The following STAC3 variants were observed in gnomAD, a reference collection of about 807,000 sequenced individuals.
STAC3 encodes the protein SH3 and cysteine-rich domain-containing protein 3.
In STAC3, 30 loss-of-function variants were observed where a neutral mutation model predicts 48.5. That is an observed-to-expected ratio of 0.62 (90% CI 0.46 to 0.84). The LOEUF (loss-of-function observed/expected upper bound fraction) is 0.84. STAC3 is among the 40% of genes least tolerant of loss of function. The pLI is 0.00. For missense variants in STAC3, 419 were observed against 462.6 expected (o/e 0.91, Z 0.86); for synonymous variants, 144 against 158.6 (o/e 0.91, Z 0.69).
rs112253539 is a variant in STAC3, at chr12:57,245,143, A to T, written c.670+2T>A. On this transcript the variant is annotated splice_donor_variant, in intron 7 of 11. Transcript: ENST00000332782. LOFTEE classifies it high-confidence loss of function. Reference sequence around the variant, plus strand: ...CTCTGGATGGAGGTGGGTAACACTCACCATCCTGGGGTTTGCCTTCCTCTG... The same window carrying T: ...CTCTGGATGGAGGTGGGTAACACTCTCCATCCTGGGGTTTGCCTTCCTCTG... The T allele has an allele frequency of 1.2e-6, 2 of 1,613,778 alleles. No individual in the cohort carries two copies. The highest frequency in any genetic ancestry group is 1.3e-5 in the African/African-American group (1 of 74,806).
chr12:57,244,193 A>G lies in STAC3; in HGVS notation c.891T>C (p.Pro297=). 1 of 1,614,108 alleles carries G rather than the reference A, an allele frequency of 6.2e-7. No individual in the cohort carries two copies. The highest frequency in any genetic ancestry group is 8.5e-7 in the Non-Finnish European group (1 of 1,180,018). The change falls in exon 11 of 12, where the codon CCT becomes CCC. Residue 297 remains proline, a synonymous_variant. Transcript: ENST00000332782. Reference sequence around the variant, plus strand: ...CCCGGACCCGAATGATGAAGTTTGGAGGGAAAAATCCGACCTTCTCCCCGA... The same window carrying G: ...CCCGGACCCGAATGATGAAGTTTGGGGGGAAAAATCCGACCTTCTCCCCGA... ...GKIGEKVGFF[P]PNFIIRVRAG...
intron 2 of STAC3, 57 bp from the exon 3 acceptor site, chr12:57,249,365 G>T: frequency 6.5e-7 from 1 of 1,530,846 alleles, no homozygotes. Flanking sequence ...CCTCTCTAGA[G>T]TAGGGGGGCG....
At position 57,248,738 on chromosome 12, in the gene STAC3, A is replaced by G. The variant is rs897732327; in HGVS notation, c.400T>C (p.Tyr134His). The change falls in exon 4 of 12, where the codon TAT (tyrosine) becomes CAT (histidine). Residue 134 changes from tyrosine (Y) to histidine (H), a missense_variant. Transcript: ENST00000332782. ...CCGAAGCATCTCTGCATTTCCACAT[A>G]GGACTGACAGTGTTCATGGATGTTG... ...KTNIHEHCQSYVEMQRCFGKI... is the reference protein window; with the variant it reads ...KTNIHEHCQSHVEMQRCFGKI... 1.1e-5 allele frequency: 17 copies of G among 1,613,954 alleles called. No homozygotes were observed. The East Asian group carries it at 3.1e-4, about 30-fold the overall frequency.
chr12:57,248,915 T>C, intron 3 of STAC3, 112 bp from the exon 4 acceptor site: 1 of 1,533,802 alleles, frequency 6.5e-7, no homozygotes, highest in Non-Finnish European at 8.9e-7. Flanking sequence ...TTGCTCAATC[T>C]CTAATAGCAT....
intron 6 of STAC3, among the ~76,000 whole-genome samples, chr12:57,246,109 CAAAAAAAAAA>C (rs71084732): frequency 2.5e-5 from 2 of 80,274 alleles, no homozygotes; most frequent in Non-Finnish European, 4.7e-5. Context: ...AACTCTATCT[CAAAAAAAAAA>C]AAAAAAAAAA....
intron 5 of STAC3, among the ~76,000 whole-genome samples, chr12:57,247,681 C>T (rs1248474828): frequency 1.3e-5 from 2 of 152,028 alleles, no homozygotes; most frequent in Non-Finnish European, 2.9e-5. Context: ...CCTCGGCCTC[C>T]CAAAGTGCTG....
chr12:57,244,361 C>T lies in STAC3; in HGVS notation c.812G>A (p.Gly271Glu). The change falls in exon 10 of 12, where the codon GGA becomes GAA. Residue 271 changes from glycine (G) to glutamate (E), a missense_variant. Physicochemically the swap from Gly to Glu is moderately conservative, Grantham distance 98 (BLOSUM62 -2). Coordinates refer to ENST00000332782, the MANE Select transcript of STAC3 (RefSeq NM_145064.3). ...LEKDDLDFPPGEKITVIDDSN... is the reference protein window; with the variant it reads ...LEKDDLDFPPEEKITVIDDSN... ...GTCATCAATGACTGTGATCTTCTCT[C>T]CTGGCCTGGGAGGGGAAGGGAGGGG... 1.2e-6 allele frequency: 2 copies of T among 1,614,160 alleles called. No individual in the cohort carries two copies. Among genetic ancestry groups the T allele is most frequent in the Non-Finnish European group, 1.7e-6 (2 of 1,180,042 alleles).
intron 8 of STAC3, 43 bp downstream of exon 8, chr12:57,244,873 T>G (rs375763336): frequency 6.2e-7 from 1 of 1,610,766 alleles, no homozygotes; most frequent in African/African-American, 1.3e-5. Flanking sequence ...AGAGCTGGGT[T>G]GGGGAGAGAA....
intron 6 of STAC3, 50 bp from the exon 7 acceptor site, chr12:57,245,261 C>T (rs765305646): frequency 6.5e-7 from 1 of 1,540,416 alleles, no homozygotes; most frequent in Admixed American, 1.7e-5. Context: ...AACACATGCC[C>T]TGGCTGTCTA....
rs1331415600 is a variant in STAC3 at position 57,243,989 on chromosome 12, C to T, written c.997-79G>A. On this transcript the variant is annotated intron_variant, in intron 11 of 11. Coordinates refer to ENST00000332782, the MANE Select transcript of STAC3 (RefSeq NM_145064.3). ...AGGACAGCAGGGGAGCCGGGGTTTA[C>T]AGGGGCTCACCCTAGTCTTATTAAT... The T allele has an allele frequency of 4.4e-6, 7 of 1,607,566 alleles. No individual in the cohort carries two copies. In the African/African-American group the frequency reaches 5.4e-5, roughly 12 times the overall value.
At chr12:57,247,858 G>C (rs1166955787) in intron 5 of STAC3, among the ~76,000 whole-genome samples, 5 of 152,306 alleles carry the variant, frequency 3.3e-5, no homozygotes, top group South Asian at 4.1e-4. Context: ...TGCACACAAA[G>C]AGCACAGATT....
In STAC3 at chr12:57,247,422, ATTATTATTTT is replaced by A. The variant is rs1156927664; in HGVS notation, c.506-531_506-522del. Among the ~76,000 whole-genome samples the A allele has an allele frequency of 6.7e-4, 46 of 68,384 alleles. No homozygotes were observed. In the East Asian group the frequency reaches 8.7e-3, roughly 13 times the overall value. The allele number at this position is 68,384 out of a possible 152,430, so 44.9% of individuals were successfully genotyped here. On this transcript the variant is annotated intron_variant, in intron 5 of 11. Coordinates refer to ENST00000332782, the MANE Select transcript of STAC3 (RefSeq NM_145064.3). ...TTGCCAAATTATTATTATTATTATTATTATTATTTTTTTTTTTTTTTTTTTTTTTGAGACG... is the reference window on the plus strand; with the variant it reads ...TTGCCAAATTATTATTATTATTATTATTTTTTTTTTTTTTTTTTTGAGACG...
chr12:57,245,033 T>A, intron 7 of STAC3, 68 bp from the exon 8 acceptor site: 1 of 1,605,346 alleles, frequency 6.2e-7, no homozygotes, highest in Non-Finnish European at 8.5e-7. Context: ...TACCCTTTTG[T>A]GGAAGGGCCT....
intron 6 of STAC3, among the ~76,000 whole-genome samples, 164 bp from the exon 7 acceptor site, chr12:57,245,375 C>CG (rs1555194058): frequency 6.9e-6 from 1 of 143,994 alleles, no homozygotes; most frequent in Non-Finnish European, 1.5e-5. Flanking sequence ...AATGCAGGAA[C>CG]TTTTTTTTTT....
chr12:57,248,891 G>A, intron 3 of STAC3, 88 bp from the exon 4 acceptor site: 2 of 1,527,964 alleles, frequency 1.3e-6, no homozygotes, highest in South Asian at 1.1e-5. Flanking sequence ...TTCCTTTTCT[G>A]TCTGGGACCC....
chr12:57,243,470 A>G lies in STAC3; in HGVS notation c.*342T>C, dbSNP rs961633815. 1.5e-5 allele frequency: 8 copies of G among 517,746 alleles called. No homozygotes were observed. Among genetic ancestry groups the G allele is most frequent in the African/African-American group, 1.4e-4 (7 of 51,060 alleles). 32.1% of individuals were successfully genotyped at this position (517,746 alleles called of 1,614,324 possible). A position where few individuals can be genotyped will look rare whatever the true frequency, so the allele number is the denominator to read the frequency against. On this transcript the variant is annotated 3_prime_UTR_variant, in exon 12 of 12. Coordinates refer to ENST00000332782, the MANE Select transcript of STAC3 (RefSeq NM_145064.3). Reference sequence around the variant, plus strand: ...ATAACAACTTTTCTAAGTTTTGTCAAAAGTTTAATAAATTCGCAACATTCG... The same window carrying G: ...ATAACAACTTTTCTAAGTTTTGTCAGAAGTTTAATAAATTCGCAACATTCG...
intron 1 of STAC3, among the ~76,000 whole-genome samples, chr12:57,250,326 G>A (rs558003974): frequency 8.3e-4 from 118 of 142,268 alleles, no homozygotes; most frequent in Middle Eastern, 3.6e-3. Context: ...GGAGGCGGAG[G>A]TTGCAGTGAG....
rs1337467678 is a variant in STAC3, at chr12:57,246,775, G to C, written c.603+29C>G. Reference sequence around the variant, plus strand: ...GACCTGCTCCATGGGATCTCTGGGAGGGACCTCGTGGGGAGGTACAGTGCT... The same window carrying C: ...GACCTGCTCCATGGGATCTCTGGGACGGACCTCGTGGGGAGGTACAGTGCT... On this transcript the variant is annotated intron_variant, in intron 6 of 11. Coordinates refer to ENST00000332782, the MANE Select transcript of STAC3 (RefSeq NM_145064.3). 1.9e-6 allele frequency: 3 copies of C among 1,571,672 alleles called. No individual in the cohort carries two copies. The East Asian group carries it at 6.7e-5, about 35-fold the overall frequency.
rs748836499 is a variant in STAC3, at chr12:57,249,581, C to T, written c.56G>A (p.Arg19Gln). The T allele has an allele frequency of 9.3e-6, 15 of 1,614,052 alleles. No homozygotes were observed. Among genetic ancestry groups the T allele is most frequent in the African/African-American group, 2.7e-5 (2 of 75,024 alleles). ...GAGGCCCAGACTCACCCCACTTTGC[C>T]GAGTCTCTGCTGGGAAGGAGGGCTT... ...SPKPSFPAET[R>Q]QSGLQRLKQL... The change falls in exon 2 of 12, where the codon CGG becomes CAG. Residue 19 changes from arginine (R) to glutamine (Q), a missense_variant. By Grantham distance (43) the Arg-to-Gln change is conservative (BLOSUM62 1). Transcript: ENST00000332782.
Sources: gnomAD v4.1 joint callset for allele counts (sites outside exome capture counted in the v4.1 genomes callset) on GRCh38, gnomAD v4.1.1 for gene constraint, MANE v1.5 for transcripts, NCBI Gene and HGNC (gene_info 2026-07-23, HGNC 2026-07-21) for gene names.